ZSWIM6: variants seen among roughly 807,000 people sequenced by gnomAD.
ZSWIM6 encodes zinc finger SWIM domain-containing protein 6.
A neutral mutation model predicts 113.2 loss-of-function variants in ZSWIM6; 9 were observed. The ratio of observed to expected loss-of-function variants is 0.08; its 90% CI spans 0.05 to 0.14. The LOEUF (loss-of-function observed/expected upper bound fraction) is 0.14, where lower values mean the gene tolerates loss of function less well. ZSWIM6 is among the 10% of genes least tolerant of loss of function. ZSWIM6 has a pLI of 1.00. For synonymous variants in ZSWIM6, 611 were observed against 606.5 expected, an observed-to-expected ratio of 1.01 and a Z score of -0.11; for missense variants, 1,162 against 1,552.2, an observed-to-expected ratio of 0.75 and a Z score of 4.22.
intron 1 of ZSWIM6, among the ~76,000 whole-genome samples, chr5:61,369,989 A>G (rs377614183): frequency 6.6e-6 from 1 of 152,208 alleles, no homozygotes; most frequent in East Asian, 1.9e-4. Flanking sequence ...AGATTATGGA[A>G]CATTCCAACT....
rs780375063 is a variant in ZSWIM6, at chr5:61,543,994, C to T, written c.3325C>T (p.Arg1109Cys). Residue 1109 changes from arginine (R) to cysteine (C), a missense_variant, in exon 14 of 14, where the codon CGC (arginine) becomes TGC (cysteine). Transcript: ENST00000252744. This position sits in a 1 kb window ranked among gnomAD's most constrained non-coding sequence, Gnocchi z 4.3. ...KCATVLSDIL[R>C]RCTLTTPGMV... ...TGCAACGGTACTGTCAGACATTTTGCGCAGATGCACTCTGACCACTCCTGG... is the reference window on the plus strand; with the variant it reads ...TGCAACGGTACTGTCAGACATTTTGTGCAGATGCACTCTGACCACTCCTGG... The T allele has an allele frequency of 5.8e-6, 9 of 1,551,894 alleles. No individual in the cohort carries two copies. The highest frequency in any genetic ancestry group is 3.6e-5 in the South Asian group (3 of 84,062).
At chr5:61,355,440 ACACACAC>A (rs1561204652) in intron 1 of ZSWIM6, among the ~76,000 whole-genome samples, 2,892 of 40,506 alleles carry the variant, frequency 0.071, 33 homozygotes, top group Middle Eastern at 0.11. Flanking sequence ...AAACACACAC[ACACACAC>A]ACACACACAC....
At chr5:61,414,316 G>A (rs536383150) in intron 1 of ZSWIM6, among the ~76,000 whole-genome samples, 1 of 152,190 alleles carries the variant, frequency 6.6e-6, no homozygotes, top group East Asian at 1.9e-4. Context: ...GAAGAAAGAA[G>A]CCAAGGTGAT....
chr5:61,531,550 G>A lies in ZSWIM6; in HGVS notation c.2070G>A (p.Leu690=). The change falls in exon 9 of 14, where the codon CTG becomes CTA. Residue 690 remains leucine (L), a synonymous_variant. Transcript: ENST00000252744. ...AAGAAGGGGAATCCTATTTAACGCTGGCTGTGGAAGTAGCCCTGATAGGGC... is the reference window on the plus strand; with the variant it reads ...AAGAAGGGGAATCCTATTTAACGCTAGCTGTGGAAGTAGCCCTGATAGGGC... ...FLEEGESYLT[L]AVEVALIGLG... 1.3e-6 allele frequency: 2 copies of A among 1,551,676 alleles called. No homozygotes were observed. The highest frequency in any genetic ancestry group is 8.7e-7 in the Non-Finnish European group (1 of 1,146,974).
At chr5:61,390,733 C>T in intron 1 of ZSWIM6, 2 of 795,564 alleles carry the variant, frequency 2.5e-6, no homozygotes, top group Non-Finnish European at 4.5e-6. Context: ...GTCTTCTCCT[C>T]CATGGTCTGG....
intron 1 of ZSWIM6, among the ~76,000 whole-genome samples, chr5:61,402,002 C>CA (rs916591469): frequency 6.6e-6 from 1 of 151,010 alleles, no homozygotes; most frequent in Non-Finnish European, 1.5e-5. Flanking sequence ...TACCTGTTCT[C>CA]TTTTTTTTTC....
At chr5:61,467,023 A>G (rs943274429) in intron 1 of ZSWIM6, among the ~76,000 whole-genome samples, 1 of 152,186 alleles carries the variant, frequency 6.6e-6, no homozygotes, top group African/African-American at 2.4e-5. Flanking sequence ...TTCTCTACTG[A>G]GTCTTTTTGA....
chr5:61,512,259 A>G (rs1011354496), intron 4 of ZSWIM6, among the ~76,000 whole-genome samples: 11 of 151,930 alleles, frequency 7.2e-5, no homozygotes, highest in African/African-American at 1.7e-4. Context: ...TTTATTTAGT[A>G]TTGTATATTT....
intron 4 of ZSWIM6, among the ~76,000 whole-genome samples, chr5:61,519,635 T>C (rs931557272): frequency 1.3e-5 from 2 of 152,204 alleles, no homozygotes; most frequent in Non-Finnish European, 2.9e-5. Flanking sequence ...GTGTTTTTAA[T>C]TGGCATTTTA....
At chr5:61,494,781 C>T (rs530012838) in intron 4 of ZSWIM6, among the ~76,000 whole-genome samples, 3 of 152,098 alleles carry the variant, frequency 2.0e-5, no homozygotes, top group Admixed American at 2.0e-4. Flanking sequence ...CTTTCTTCCC[C>T]CTTCTCCCCA....
At chr5:61,486,271 T>C (rs1359678389) in intron 2 of ZSWIM6, among the ~76,000 whole-genome samples, 1 of 152,192 alleles carries the variant, frequency 6.6e-6, no homozygotes, top group Non-Finnish European at 1.5e-5. Flanking sequence ...TCTATGGTGC[T>C]GCATGGATGT....
intron 1 of ZSWIM6, among the ~76,000 whole-genome samples, chr5:61,463,768 G>C (rs1747366537): frequency 6.6e-6 from 1 of 152,180 alleles, no homozygotes; most frequent in African/African-American, 2.4e-5. Flanking sequence ...CTTGGGGCCA[G>C]AGCATTTAGT....
intron 1 of ZSWIM6, among the ~76,000 whole-genome samples, chr5:61,459,518 G>A (rs1747280479): frequency 1.3e-5 from 2 of 152,266 alleles, no homozygotes; most frequent in Non-Finnish European, 1.5e-5. Flanking sequence ...TCTACAATAA[G>A]AGTTTAGTTC....
At chr5:61,462,131 G>C (rs1747334481) in intron 1 of ZSWIM6, among the ~76,000 whole-genome samples, 1 of 152,140 alleles carries the variant, frequency 6.6e-6, no homozygotes, top group Admixed American at 6.5e-5. Flanking sequence ...CACTTTGCTT[G>C]TCAGGCTATA....
chr5:61,477,192 A>G (rs1157820893), intron 2 of ZSWIM6, among the ~76,000 whole-genome samples: 1 of 152,178 alleles, frequency 6.6e-6, no homozygotes, highest in Admixed American at 6.5e-5. Context: ...AAAGAGGGAC[A>G]GTCTGATGGG....
At chr5:61,418,391 C>A (rs138201870) in intron 1 of ZSWIM6, among the ~76,000 whole-genome samples, 1 of 151,948 alleles carries the variant, frequency 6.6e-6, no homozygotes, top group African/African-American at 2.4e-5. Flanking sequence ...CCTCAGCGTC[C>A]GAAGTAGTTG....
intron 1 of ZSWIM6, among the ~76,000 whole-genome samples, chr5:61,342,488 A>G (rs560944351): frequency 1.3e-5 from 2 of 152,302 alleles, no homozygotes; most frequent in South Asian, 2.1e-4. Context: ...AAAAGTAGAA[A>G]TAACTTTTAT....
At chr5:61,515,476 T>C (rs375543047) in intron 4 of ZSWIM6, among the ~76,000 whole-genome samples, 1 of 152,122 alleles carries the variant, frequency 6.6e-6, no homozygotes, top group African/African-American at 2.4e-5. Context: ...AAGACAGTCA[T>C]GCATGCAAGA....
intron 1 of ZSWIM6, among the ~76,000 whole-genome samples, chr5:61,445,231 T>TAAA (rs1388106195): frequency 1.3e-5 from 2 of 151,902 alleles, no homozygotes; most frequent in Non-Finnish European, 2.9e-5. Context: ...CTCTGTCATT[T>TAAA]AAAAAAAAGT....
Sources: gnomAD v4.1 joint callset for allele counts (sites outside exome capture counted in the v4.1 genomes callset) on GRCh38, gnomAD v4.1.1 for gene constraint, Gnocchi (gnomAD v3.1) non-coding constraint, MANE v1.5 for transcripts, NCBI Gene and HGNC (gene_info 2026-07-23, HGNC 2026-07-21) for gene names.